SMAD2: variants seen among roughly 807,000 people sequenced by gnomAD.
SMAD2 encodes MAD homolog 2.
A neutral mutation model predicts 64.4 loss-of-function variants in SMAD2; 8 were observed. That is an observed-to-expected ratio of 0.12 (90% CI 0.07 to 0.22). SMAD2 has a LOEUF of 0.22. Among genes scored for constraint, SMAD2 ranks in the 10% least tolerant of loss-of-function variants. The pLI is 1.00. For missense variants in SMAD2, 289 were observed against 561.2 expected (o/e 0.51, Z 4.90); for synonymous variants, 203 against 195.8 (o/e 1.04, Z -0.31).
In SMAD2 at chr18:47,809,234, G is replaced by C. The variant is rs148087709; in HGVS notation, c.*32593C>G. 0.02 allele frequency: 3,056 copies of C among 152,442 alleles called. 44 individuals are homozygous for C. The highest frequency in any genetic ancestry group is 0.031 in the Non-Finnish European group (2,120 of 68,106). The allele number at this position is 152,442 out of a possible 1,614,324, so 9.4% of individuals were successfully genotyped here. On this transcript the variant is annotated 3_prime_UTR_variant, in exon 11 of 11. Coordinates refer to ENST00000262160, the MANE Select transcript of SMAD2 (RefSeq NM_005901.6). ...AGTCCCTGTACTTGGGGGTCAGATA[G>C]GAAGCATTCCAGTTTCTCTAGTTTC...
intron 1 of SMAD2, among the ~76,000 whole-genome samples, chr18:47,919,155 CAAAGTCAAGA>C (rs2034454293): frequency 6.6e-6 from 1 of 151,942 alleles, no homozygotes; most frequent in Non-Finnish European, 1.5e-5. Flanking sequence ...ATACTGTAAA[CAAAGTCAAGA>C]GAGCAATGGC....
At chr18:47,891,254 G>A (rs569369127) in intron 2 of SMAD2, among the ~76,000 whole-genome samples, 45 of 152,290 alleles carry the variant, frequency 3.0e-4, no homozygotes, top group South Asian at 1.2e-3. Context: ...GCAGTGAGCC[G>A]AGATCCCGCC....
intron 2 of SMAD2, among the ~76,000 whole-genome samples, chr18:47,879,811 A>G (rs2032483600): frequency 6.6e-6 from 1 of 152,170 alleles, no homozygotes; most frequent in Non-Finnish European, 1.5e-5. Context: ...AATGTATGAG[A>G]GAGAGCTCCT....
intron 1 of SMAD2, among the ~76,000 whole-genome samples, chr18:47,928,721 A>C (rs2034867744): frequency 6.6e-6 from 1 of 152,258 alleles, no homozygotes; most frequent in Non-Finnish European, 1.5e-5. Context: ...TTTGTTGAAC[A>C]CCTACAATGC....
rs1167707360 is a variant in SMAD2, at chr18:47,822,124, GAT to G, written c.*19701_*19702del. ...CAGTTACATTTATGAGTATGTTATT[GAT>G]ATGAGTGTTCCAAAATTGTACGATG... On this transcript the variant is annotated 3_prime_UTR_variant, in exon 11 of 11. Transcript: ENST00000262160. 1 of 152,160 alleles carries G rather than the reference GAT, an allele frequency of 6.6e-6. No homozygotes were observed. The highest frequency in any genetic ancestry group is 2.4e-5 in the African/African-American group (1 of 41,424). The allele number at this position is 152,160 out of a possible 1,614,324, so 9.4% of individuals were successfully genotyped here. A position where few individuals can be genotyped will look rare whatever the true frequency, so the allele number is the denominator to read the frequency against.
chr18:47,859,895 G>A (rs2144346932), intron 6 of SMAD2, among the ~76,000 whole-genome samples: 1 of 152,240 alleles, frequency 6.6e-6, no homozygotes, highest in Non-Finnish European at 1.5e-5. Context: ...ATATATGAAA[G>A]GAATAACAAA....
intron 1 of SMAD2, among the ~76,000 whole-genome samples, chr18:47,928,006 A>T (rs149534041): frequency 4.7e-4 from 71 of 152,324 alleles, no homozygotes; most frequent in Non-Finnish European, 8.7e-4. Context: ...TGGAATACTT[A>T]GGGGAAAACA....
rs867413373 is a variant in SMAD2 at position 47,835,993 on chromosome 18, G to A, written c.*5834C>T. 4.7e-6 allele frequency: 1 copy of A among 211,332 alleles called. No homozygotes were observed. The highest frequency in any genetic ancestry group is 9.6e-6 in the Non-Finnish European group (1 of 104,298). The allele number at this position is 211,332 out of a possible 1,614,324, so 13.1% of individuals were successfully genotyped here. A position where few individuals can be genotyped will look rare whatever the true frequency, so the allele number is the denominator to read the frequency against. ...TCATCAGTGGCATTATTCTTCCAAG[G>A]GACTCTTATATCTAAGCAATGGTGA... On this transcript the variant is annotated 3_prime_UTR_variant, in exon 11 of 11. Coordinates refer to ENST00000262160, the MANE Select transcript of SMAD2 (RefSeq NM_005901.6).
At chr18:47,859,430 A>G (rs1251140674) in intron 6 of SMAD2, among the ~76,000 whole-genome samples, 1 of 152,196 alleles carries the variant, frequency 6.6e-6, no homozygotes, top group Non-Finnish European at 1.5e-5. Context: ...ATAGCATAAA[A>G]TAATTTTCAT....
At chr18:47,875,253 T>C (rs2032200040) in intron 2 of SMAD2, among the ~76,000 whole-genome samples, 1 of 152,176 alleles carries the variant, frequency 6.6e-6, no homozygotes, top group Non-Finnish European at 1.5e-5. Flanking sequence ...TGGTAGGTTT[T>C]AATGAGGCAG....
chr18:47,844,367 T>C (rs1914278652), intron 10 of SMAD2, among the ~76,000 whole-genome samples: 1 of 152,198 alleles, frequency 6.6e-6, no homozygotes, highest in South Asian at 2.1e-4. Context: ...CATGAATATT[T>C]CTTAAGCAGG....
At chr18:47,897,801 G>A (rs1346103397) in intron 1 of SMAD2, among the ~76,000 whole-genome samples, 1 of 151,942 alleles carries the variant, frequency 6.6e-6, no homozygotes, top group Non-Finnish European at 1.5e-5. Context: ...AAATTGTTTC[G>A]CTCCAGAAGC....
At chr18:47,853,143 A>G (rs1401365357) in intron 6 of SMAD2, 1 of 175,458 alleles carries the variant, frequency 5.7e-6, no homozygotes, top group East Asian at 1.8e-4. Flanking sequence ...CAGCCTGGCC[A>G]ACATAGTGAA....
rs767364151 is a variant in SMAD2 at position 47,845,219 on chromosome 18, A to G, written c.1280+121T>C. 22 of 1,043,122 alleles carry G rather than the reference A, an allele frequency of 2.1e-5. No individual in the cohort carries two copies. In the African/African-American group the frequency reaches 2.4e-4, roughly 11 times the overall value. 64.6% of individuals were successfully genotyped at this position (1,043,122 alleles called of 1,614,324 possible). A position where few individuals can be genotyped will look rare whatever the true frequency, so the allele number is the denominator to read the frequency against. ...GGAGGCCTCCAACTTTATTTTACAT[A>G]AAGATCAGCTGACTCTATAACCTCA... On this transcript the variant is annotated intron_variant, in intron 10 of 10. Transcript: ENST00000262160.
In SMAD2 at chr18:47,839,929, C is replaced by T; in HGVS notation, c.*1898G>A. On this transcript the variant is annotated 3_prime_UTR_variant, in exon 11 of 11. Transcript: ENST00000262160. ...GCATCCCATCTGTTATTCTCCAGTA[C>T]AGTACCCTGTTTATCTCCTTCATAG... 1 of 233,164 alleles carries T rather than the reference C, an allele frequency of 4.3e-6. No individual in the cohort carries two copies. Among genetic ancestry groups the T allele is most frequent in the East Asian group, 6.0e-5 (1 of 16,554 alleles). The allele number at this position is 233,164 out of a possible 1,614,324, so 14.4% of individuals were successfully genotyped here.
chr18:47,837,040 T>C lies in SMAD2; in HGVS notation c.*4787A>G, dbSNP rs117487905. On this transcript the variant is annotated 3_prime_UTR_variant, in exon 11 of 11. Transcript: ENST00000262160. ...GAAATCTGGTATCGTAGGGAAAACA[T>C]TGGCTGCAACTGTCAGAAAAGTTCA... The C allele has an allele frequency of 3.0e-3, 625 of 209,940 alleles. 2 individuals are homozygous for C. Among genetic ancestry groups the C allele is most frequent in the Non-Finnish European group, 4.9e-3 (503 of 103,128 alleles). 13.0% of individuals were successfully genotyped at this position (209,940 alleles called of 1,614,324 possible). A position where few individuals can be genotyped will look rare whatever the true frequency, so the allele number is the denominator to read the frequency against.
At chr18:47,890,731 T>C (rs930403236) in intron 2 of SMAD2, among the ~76,000 whole-genome samples, 4 of 152,134 alleles carry the variant, frequency 2.6e-5, no homozygotes, top group Admixed American at 1.3e-4. Flanking sequence ...CCCTCCACCA[T>C]AGTGTTTCAT....
At chr18:47,848,227 T>G (rs183499508) in intron 8 of SMAD2, among the ~76,000 whole-genome samples, 505 of 152,316 alleles carry the variant, frequency 3.3e-3, no homozygotes, top group Middle Eastern at 0.027. Context: ...AAACTTATCT[T>G]AACACATATT....
At chr18:47,866,411 C>G (rs369082693) in intron 5 of SMAD2, among the ~76,000 whole-genome samples, 26 of 150,892 alleles carry the variant, frequency 1.7e-4, no homozygotes, top group African/African-American at 5.9e-4. Context: ...ATAAACTAAC[C>G]ACAAACTTTA....
Sources: gnomAD v4.1 joint callset for allele counts (sites outside exome capture counted in the v4.1 genomes callset) on GRCh38, gnomAD v4.1.1 for gene constraint, MANE v1.5 for transcripts, NCBI Gene and HGNC (gene_info 2026-07-23, HGNC 2026-07-21) for gene names.